The following RPS6KB2 variants were observed in gnomAD, a reference collection of about 807,000 sequenced individuals.
RPS6KB2 encodes ribosomal protein S6 kinase B2, also known as ribosomal protein S6 kinase beta-2.
RPS6KB2 carries 51 observed loss-of-function variants against 58.2 expected under a neutral mutation model. The ratio of observed to expected loss-of-function variants is 0.88; its 90% confidence interval spans 0.70 to 1.11. The LOEUF (loss-of-function observed/expected upper bound fraction) is 1.11. Among genes scored for constraint, RPS6KB2 ranks in the 50% least tolerant of loss-of-function variants. The pLI is 0.00. For synonymous variants in RPS6KB2, 293 were observed against 258.6 expected (o/e 1.13, Z -1.28); for missense variants, 671 against 655.8 (o/e 1.02, Z -0.25).
Position 67,433,161 on chromosome 11 carries a change from G to A in RPS6KB2, c.743G>A (p.Arg248Gln), listed in dbSNP as rs920764817. ...ATTCTGGTGCGCAGTGGCCACAACCGGGCTGTGGACTGGTGGAGCCTGGGG... is the reference window on the plus strand; with the variant it reads ...ATTCTGGTGCGCAGTGGCCACAACCAGGCTGTGGACTGGTGGAGCCTGGGG... The part of the protein sequence containing the change: ...PEILVRSGHN[R>Q]AVDWWSLGAL... The change falls in exon 9 of 15, where the codon CGG (arginine) becomes CAG (glutamine). Residue 248 changes from arginine (R) to glutamine (Q), a missense_variant. Coordinates refer to ENST00000312629, the MANE Select transcript of RPS6KB2 (RefSeq NM_003952.3). 13 of 1,605,114 alleles carry A rather than the reference G, an allele frequency of 8.1e-6. No homozygotes were observed. Among genetic ancestry groups the A allele is most frequent in the Middle Eastern group, 1.7e-4 (1 of 6,054 alleles).
At position 67,433,328 on chromosome 11, in the gene RPS6KB2, C is replaced by T. The variant is rs1440774307; in HGVS notation, c.799-12C>T. Reference sequence around the variant, plus strand: ...GGCCCACAAGGCTCCTCTCACCTTCCTCCTCCTCCAGCCGCCCTTCACCGC... The same window carrying T: ...GGCCCACAAGGCTCCTCTCACCTTCTTCCTCCTCCAGCCGCCCTTCACCGC... On this transcript the variant is annotated splice_polypyrimidine_tract_variant and intron_variant, in intron 9 of 14. Transcript: ENST00000312629. 6.2e-7 allele frequency: 1 copy of T among 1,610,208 alleles called. No individual in the cohort carries two copies. The highest frequency in any genetic ancestry group is 8.5e-7 in the Non-Finnish European group (1 of 1,176,790).
intron 5 of RPS6KB2, 178 bp downstream of exon 5, chr11:67,431,693 C>T (rs572210621): frequency 1.4e-4 from 82 of 605,070 alleles, no homozygotes; most frequent in Non-Finnish European, 2.3e-4. Context: ...TTCATTCATT[C>T]AGCAAACGTC....
intron 1 of RPS6KB2, 58 bp from the exon 2 acceptor site, chr11:67,428,924 C>G: frequency 6.2e-7 from 1 of 1,603,372 alleles, no homozygotes; most frequent in Non-Finnish European, 8.5e-7. Flanking sequence ...CCAACCTGAA[C>G]GGGAGCGGGG....
intron 4 of RPS6KB2, chr11:67,430,492 T>G (rs1863986095): frequency 6.6e-6 from 1 of 152,082 alleles, no homozygotes; most frequent in Non-Finnish European, 1.5e-5. Context: ...AGATGGGTTT[T>G]TGTCATGTTG....
chr11:67,429,661 T>C, intron 4 of RPS6KB2, 66 bp downstream of exon 4: 1 of 1,320,290 alleles, frequency 7.6e-7, no homozygotes, highest in Non-Finnish European at 1.1e-6. Flanking sequence ...TACCAGGCTT[T>C]GGGAAGACAG....
chr11:67,429,013 C>T lies in RPS6KB2; in HGVS notation c.110C>T (p.Ala37Val), dbSNP rs915034326. The T allele has an allele frequency of 6.2e-7, 1 of 1,613,704 alleles. No homozygotes were observed. The highest frequency in any genetic ancestry group is 8.5e-7 in the Non-Finnish European group (1 of 1,179,976). ...TGTCCCCTTGCCGAGTTGAGGGCAG[C>T]TGGCCTAGAGTGAGTGAGGGTCGTG... ...DACPLAELRA[A>V]GLEPVGHYEE... The change falls in exon 2 of 15, where the codon GCT becomes GTT. Residue 37 changes from alanine to valine, a missense_variant. Physicochemically the swap from Ala to Val is moderately conservative, Grantham distance 64. Coordinates refer to ENST00000312629, the MANE Select transcript of RPS6KB2 (RefSeq NM_003952.3).
rs374599139 is a variant in RPS6KB2 at position 67,434,725 on chromosome 11, G to A, written c.1268+31G>A. On this transcript the variant is annotated intron_variant, in intron 14 of 14. Transcript: ENST00000312629. ...GAGGGACGTGGGGGTGTGTGGCTGG[G>A]TTAGGGACGCTGGCAGGCAGGATGC... 107 of 1,525,058 alleles carry A rather than the reference G, an allele frequency of 7.0e-5. No homozygotes were observed. The African/African-American group carries it at 1.2e-3, about 17-fold the overall frequency. 94.5% of individuals were successfully genotyped at this position (1,525,058 alleles called of 1,614,324 possible).
Position 67,428,895 on chromosome 11 carries a change from C to A in RPS6KB2, c.79-87C>A, listed in dbSNP as rs114281412. Reference sequence around the variant, plus strand: ...ACTAGCTGCCATCCCTGACACCCTTCTCTCCTGGGCCACGCAGTCCAACCT... The same window carrying A: ...ACTAGCTGCCATCCCTGACACCCTTATCTCCTGGGCCACGCAGTCCAACCT... On this transcript the variant is annotated intron_variant, in intron 1 of 14. Transcript: ENST00000312629. 4.9e-4 allele frequency: 733 copies of A among 1,503,280 alleles called. 4 individuals carry two copies. In the African/African-American group the frequency reaches 9.4e-3, roughly 19 times the overall value. 93.1% of individuals were successfully genotyped at this position (1,503,280 alleles called of 1,614,324 possible). A position where few individuals can be genotyped will look rare whatever the true frequency, so the allele number is the denominator to read the frequency against.
chr11:67,429,253 G>T lies in RPS6KB2; in HGVS notation c.240+13G>T. ...GGGCTATGGCAAGGTAGGGGCGGGC[G>T]CACCCTCCTCCTGGCCTCACAGCCT... On this transcript the variant is annotated intron_variant, in intron 3 of 14. Coordinates refer to ENST00000312629, the MANE Select transcript of RPS6KB2 (RefSeq NM_003952.3). The T allele has an allele frequency of 6.2e-7, 1 of 1,611,430 alleles. No homozygotes were observed. Among genetic ancestry groups the T allele is most frequent in the Non-Finnish European group, 8.5e-7 (1 of 1,179,896 alleles).
At chr11:67,429,643 A>G (rs773641116) in intron 4 of RPS6KB2, 48 bp downstream of exon 4, 10 of 1,435,516 alleles carry the variant, frequency 7.0e-6, no homozygotes, top group Non-Finnish European at 8.7e-6. Flanking sequence ...GCCATTCCCA[A>G]CATGCTGTAC....
rs780358150 is a variant in RPS6KB2, at chr11:67,428,530, C to A, written c.-16C>A. 3 of 1,599,620 alleles carry A rather than the reference C, an allele frequency of 1.9e-6. No individual in the cohort carries two copies. The African/African-American group carries it at 4.0e-5, about 21-fold the overall frequency. On this transcript the variant is annotated 5_prime_UTR_variant, in exon 1 of 15. Transcript: ENST00000312629. The stretch of plus-strand genomic sequence containing the variant: ...GGCCAGGTACGGGCCGACGGGCCCG[C>A]GGGGCCGGCGCCGCCATGGCGGCCG...
rs1864112457 is a variant in RPS6KB2, at chr11:67,433,379, A to G, written c.838A>G (p.Lys280Glu). ...TAENRKKTMDKIIRGKLALPP... is the reference protein window; with the variant it reads ...TAENRKKTMDEIIRGKLALPP... ...AGAGAACCGGAAGAAAACCATGGAT[A>G]AGATCATCAGGGGCAAGCTGGCACT... Residue 280 changes from lysine (K) to glutamate (E), a missense_variant, in exon 10 of 15, where the codon AAG (lysine) becomes GAG (glutamate). Lys to Glu is a moderately conservative substitution (Grantham distance 56). Coordinates refer to ENST00000312629, the MANE Select transcript of RPS6KB2 (RefSeq NM_003952.3). 3 of 1,613,870 alleles carry G rather than the reference A, an allele frequency of 1.9e-6. No homozygotes were observed. The highest frequency in any genetic ancestry group is 1.7e-6 in the Non-Finnish European group (2 of 1,179,980).
In RPS6KB2 at chr11:67,434,823, G is replaced by T. The variant is rs921156423; in HGVS notation, c.1268+129G>T. The T allele has an allele frequency of 8.1e-6, 8 of 986,144 alleles. No individual in the cohort carries two copies. In the African/African-American group the frequency reaches 1.1e-4, roughly 14 times the overall value. The allele number at this position is 986,144 out of a possible 1,614,324, so 61.1% of individuals were successfully genotyped here. ...CTTCGGTTGCTGTGTCTATCATGGG[G>T]ACCTCAGTTCCTACACCCCTTGTGG... On this transcript the variant is annotated intron_variant, in intron 14 of 14. Transcript: ENST00000312629.
chr11:67,434,139 G>A, intron 11 of RPS6KB2, 59 bp from the exon 12 acceptor site: 1 of 1,610,660 alleles, frequency 6.2e-7, no homozygotes, highest in Non-Finnish European at 8.5e-7. Context: ...GGCAGAGGGA[G>A]TGACCGGGGG....
Position 67,432,655 on chromosome 11 carries a change from CT to C in RPS6KB2, c.514del (p.Cys172AlafsTer39). On this transcript the variant is annotated frameshift_variant and splice_region_variant, in exon 6 of 15. Transcript: ENST00000312629. LOFTEE classifies it high-confidence loss of function. Reference sequence around the variant, plus strand: ...AGGGCATCTTCCTGGAAGATACGGCCTGGTGGGTGTTAATCCTCCGCTTTCC... The same window carrying C: ...AGGGCATCTTCCTGGAAGATACGGCCGGTGGGTGTTAATCCTCCGCTTTCC... ...REGIFLEDTA[C>X]FYLAEITLAL... The C allele has an allele frequency of 6.2e-7, 1 of 1,614,182 alleles. No individual in the cohort carries two copies. The highest frequency in any genetic ancestry group is 8.5e-7 in the Non-Finnish European group (1 of 1,180,032).
intron 12 of RPS6KB2, 37 bp downstream of exon 12, chr11:67,434,312 GGT>G (rs1341007249): frequency 1.9e-6 from 3 of 1,610,894 alleles, no homozygotes; most frequent in East Asian, 4.5e-5. Flanking sequence ...GCCGGTGGCG[GGT>G]GGCAAGTGGA....
rs777506399 is a variant in RPS6KB2 at position 67,429,147 on chromosome 11, GCTGA to G, written c.152_155del (p.Thr51ArgfsTer4). The G allele has an allele frequency of 1.5e-4, 239 of 1,613,876 alleles. No individual in the cohort carries two copies. Among genetic ancestry groups the G allele is most frequent in the Non-Finnish European group, 2.0e-4 (232 of 1,180,036 alleles). Reference sequence around the variant, plus strand: ...CTGTGGGACACTATGAAGAGGTGGAGCTGACTGAGACCAGCGTGAACGTTGGCCC... The same window carrying G: ...CTGTGGGACACTATGAAGAGGTGGAGCTGAGACCAGCGTGAACGTTGGCCC... On this transcript the variant is annotated frameshift_variant, in exon 3 of 15. Transcript: ENST00000312629. LOFTEE classifies it high-confidence loss of function.
At chr11:67,431,629 G>A (rs992932860) in intron 5 of RPS6KB2, 114 bp downstream of exon 5, 5 of 1,063,568 alleles carry the variant, frequency 4.7e-6, no homozygotes, top group East Asian at 2.6e-5. Flanking sequence ...TTGGCTAGGG[G>A]GCCCCCACTC....
intron 5 of RPS6KB2, 53 bp downstream of exon 5, chr11:67,431,568 C>T: frequency 6.3e-7 from 1 of 1,581,772 alleles, no homozygotes; most frequent in Non-Finnish European, 8.6e-7. Context: ...GGGCAGCGAG[C>T]CAGCAAAGGA....
Sources: gnomAD v4.1 joint callset for allele counts on GRCh38, gnomAD v4.1.1 for gene constraint, MANE v1.5 for transcripts, NCBI Gene and HGNC (gene_info 2026-07-23, HGNC 2026-07-21) for gene names.